ATXN7: variants seen among roughly 807,000 people sequenced by gnomAD.
ATXN7 encodes the protein ataxin-7.
ATXN7 carries 12 observed loss-of-function variants against 70.5 expected under a neutral mutation model. The observed-to-expected ratio is 0.17, with a 90% CI of 0.11 to 0.28. The LOEUF is 0.28. Among genes scored for constraint, ATXN7 ranks in the 10% least tolerant of loss-of-function variants. The pLI is 1.00. For missense variants in ATXN7, 1,256 were observed against 1,131.7 expected, an observed-to-expected ratio of 1.11 and a Z score of -1.58; for synonymous variants, 498 against 448.7, an observed-to-expected ratio of 1.11 and a Z score of -1.39.
chr3:63,951,506 A>G (rs1421929679), intron 4 of ATXN7, among the ~76,000 whole-genome samples: 4 of 152,216 alleles, frequency 2.6e-5, no homozygotes, highest in African/African-American at 9.6e-5. Context: ...TATTCTAAAG[A>G]GTGAATGTAG....
chr3:63,993,093 T>A (rs116312782), intron 11 of ATXN7, among the ~76,000 whole-genome samples: 10 of 152,236 alleles, frequency 6.6e-5, no homozygotes, highest in African/African-American at 2.4e-4. Flanking sequence ...CTTCAGTTTG[T>A]GGAGTCTCAG....
Position 64,003,166 on chromosome 3 carries a change from A to C in ATXN7, c.*3699A>C, listed in dbSNP as rs1041991753. ...TTCAGATAATTTAAATGAGCACTAC[A>C]TACTGTCAGTGTGAATGTAGGGCCT... On this transcript the variant is annotated 3_prime_UTR_variant, in exon 13 of 13. Coordinates refer to ENST00000674280, the MANE Select transcript of ATXN7 (RefSeq NM_001377405.1). The C allele has an allele frequency of 1.3e-5, 2 of 148,526 alleles. No individual in the cohort carries two copies. The highest frequency in any genetic ancestry group is 3.0e-5 in the Non-Finnish European group (2 of 67,550). The allele number at this position is 148,526 out of a possible 1,614,324, so 9.2% of individuals were successfully genotyped here. A position where few individuals can be genotyped will look rare whatever the true frequency, so the allele number is the denominator to read the frequency against.
At chr3:63,951,863 C>G (rs545445890) in intron 4 of ATXN7, among the ~76,000 whole-genome samples, 1 of 152,134 alleles carries the variant, frequency 6.6e-6, no homozygotes, top group South Asian at 2.1e-4. Context: ...AGCAAAAGGA[C>G]TAGAGGTTGC....
intron 1 of ATXN7, among the ~76,000 whole-genome samples, chr3:63,876,744 C>T (rs1457852230): frequency 2.6e-5 from 4 of 152,106 alleles, no homozygotes; most frequent in Admixed American, 6.5e-5. Flanking sequence ...CTCTCTTTTC[C>T]ATAAATCTGG....
intron 2 of ATXN7, among the ~76,000 whole-genome samples, chr3:63,909,555 T>C (rs1166138781): frequency 6.6e-6 from 1 of 152,248 alleles, no homozygotes; most frequent in Non-Finnish European, 1.5e-5. Context: ...TCTGTTGTAC[T>C]CTTGTTTATA....
rs1414160935 is a variant in ATXN7, at chr3:63,912,699, A to AGCAGCC, written c.106_107insCGCAGC (p.Gln35_Gln36insProGln). ...GCGGCCGCCCGGCAGCAGCAGCAGC[A>AGCAGCC]GCAGCAGCAGCAGCAGCCGCCGCCT... is the stretch of plus-strand genomic sequence containing the variant. On this transcript the variant is annotated inframe_insertion, in exon 3 of 13. Transcript: ENST00000674280. 15 of 1,173,354 alleles carry AGCAGCC rather than the reference A, an allele frequency of 1.3e-5. No homozygotes were observed. The African/African-American group carries it at 1.8e-4, about 14-fold the overall frequency. 72.7% of individuals were successfully genotyped at this position (1,173,354 alleles called of 1,614,324 possible). A position where few individuals can be genotyped will look rare whatever the true frequency, so the allele number is the denominator to read the frequency against.
intron 4 of ATXN7, among the ~76,000 whole-genome samples, chr3:63,931,217 G>A (rs935088391): frequency 7.9e-5 from 12 of 152,108 alleles, no homozygotes; most frequent in African/African-American, 2.4e-4. Context: ...GGGATTATAG[G>A]CGTGAGCCAC....
chr3:63,972,431 A>G (rs2075326998), intron 5 of ATXN7, among the ~76,000 whole-genome samples: 1 of 152,222 alleles, frequency 6.6e-6, no homozygotes, highest in African/African-American at 2.4e-5. Flanking sequence ...AGGCCCATCC[A>G]TGCAGAGTGC....
intron 4 of ATXN7, among the ~76,000 whole-genome samples, chr3:63,946,642 C>CAAAA (rs1201416885): frequency 1.9e-3 from 144 of 75,476 alleles, no homozygotes; most frequent in Non-Finnish European, 3.2e-3. Context: ...GACTCTGTCT[C>CAAAA]AAAAAAAAAA....
At chr3:63,927,135 T>G (rs1470032495) in intron 4 of ATXN7, among the ~76,000 whole-genome samples, 1 of 152,228 alleles carries the variant, frequency 6.6e-6, no homozygotes, top group Non-Finnish European at 1.5e-5. Flanking sequence ...CGTGTACGTG[T>G]GCCTTTATAG....
At position 63,983,725 on chromosome 3, in the gene ATXN7, G is replaced by A. The variant is rs573927430; in HGVS notation, c.1095+704G>A. ...CTTCCTTCTTTTAAAATGCCAGTAT[G>A]CTAATAAGGTATATTTGCTGAAAAG... On this transcript the variant is annotated intron_variant, in intron 8 of 12. Coordinates refer to ENST00000674280, the MANE Select transcript of ATXN7 (RefSeq NM_001377405.1). Among the ~76,000 whole-genome samples the A allele has an allele frequency of 4.6e-5, 7 of 152,238 alleles. No individual in the cohort carries two copies. In the South Asian group the frequency reaches 1.5e-3, roughly 32 times the overall value.
intron 4 of ATXN7, among the ~76,000 whole-genome samples, chr3:63,919,258 GAAC>G (rs778796784): frequency 2.6e-5 from 4 of 152,182 alleles, no homozygotes; most frequent in Non-Finnish European, 5.9e-5. Context: ...TGCATACAGT[GAAC>G]AGCAGAGTTG....
At chr3:63,934,795 C>G (rs1482999055) in intron 4 of ATXN7, among the ~76,000 whole-genome samples, 2 of 152,158 alleles carry the variant, frequency 1.3e-5, no homozygotes, top group Non-Finnish European at 2.9e-5. Context: ...TACGAGAATG[C>G]TTTAATTAAT....
At position 63,995,921 on chromosome 3, in the gene ATXN7, G is replaced by C. The variant is rs979863588; in HGVS notation, c.2099G>C (p.Ser700Thr). 6.2e-7 allele frequency: 1 copy of C among 1,614,200 alleles called. No homozygotes were observed. Among genetic ancestry groups the C allele is most frequent in the South Asian group, 1.1e-5 (1 of 91,088 alleles). Residue 700 changes from serine to threonine, a missense_variant, in exon 12 of 13, where the codon AGT becomes ACT. Ser to Thr is a moderately conservative substitution (Grantham distance 58, BLOSUM62 1). Coordinates refer to ENST00000674280, the MANE Select transcript of ATXN7 (RefSeq NM_001377405.1). ...TNCQNASSST[S>T]GGSGKKRKNS... ...TGTCAAAATGCCAGTAGCAGTACCA[G>C]TGGCGGCTCAGGAAAGAAACGCAAA... is the stretch of plus-strand genomic sequence containing the variant.
chr3:63,998,970 C>A (rs2106814781), intron 12 of ATXN7: 1 of 157,604 alleles, frequency 6.3e-6, no homozygotes, highest in East Asian at 1.9e-4. Context: ...GCCTGTGCCA[C>A]CAAAGATGTA....
intron 12 of ATXN7, among the ~76,000 whole-genome samples, chr3:63,996,897 T>C (rs1315634054): frequency 6.6e-6 from 1 of 152,200 alleles, no homozygotes; most frequent in African/African-American, 2.4e-5. Context: ...GGATAGTGGT[T>C]CTTTAGTATG....
intron 2 of ATXN7, chr3:63,901,573 A>G (rs1243413666): frequency 2.6e-5 from 4 of 152,086 alleles, no homozygotes; most frequent in Admixed American, 1.3e-4. Flanking sequence ...TGTTGCTGCA[A>G]ATGACAGGAG....
chr3:63,925,094 A>G (rs1704664403), intron 4 of ATXN7, among the ~76,000 whole-genome samples: 2 of 152,342 alleles, frequency 1.3e-5, no homozygotes, highest in Admixed American at 1.3e-4. Context: ...CATGAGAGGA[A>G]AAGCATATGG....
intron 4 of ATXN7, among the ~76,000 whole-genome samples, chr3:63,925,419 G>C (rs551981648): frequency 4.6e-5 from 7 of 152,230 alleles, no homozygotes; most frequent in East Asian, 1.9e-4. Flanking sequence ...TGAGCTCCAC[G>C]TCCTGTCAGA....
Sources: gnomAD v4.1 joint callset for allele counts (sites outside exome capture counted in the v4.1 genomes callset) on GRCh38, gnomAD v4.1.1 for gene constraint, MANE v1.5 for transcripts, NCBI Gene and HGNC (gene_info 2026-07-23, HGNC 2026-07-21) for gene names.